Variants in EYS observed in about 807,000 individuals in gnomAD.
The protein encoded by EYS is EGF-like photoreceptor maintenance factor.
A neutral mutation model predicts 282.1 loss-of-function variants in EYS; 250 were observed. The observed-to-expected ratio is 0.89, with a 90% CI of 0.80 to 0.98. The LOEUF (loss-of-function observed/expected upper bound fraction) is 0.98, where lower values mean the gene tolerates loss of function less well. Ranked by LOEUF, EYS falls within the 50% of genes least tolerant of loss-of-function variation. The pLI is 0.00. For synonymous variants in EYS, 1,355 were observed against 1,282.9 expected (o/e 1.06, Z -1.20); for missense variants, 4,016 against 3,709.0 (o/e 1.08, Z -2.15).
intron 26 of EYS, among the ~76,000 whole-genome samples, chr6:64,523,049 GT>G (rs59104277): frequency 0.071 from 10,494 of 148,634 alleles, 1,141 homozygotes; most frequent in African/African-American, 0.23. Flanking sequence ...TTTATGAGCT[GT>G]TTTTTTTTTC....
chr6:63,951,997 C>A (rs1390307665), intron 35 of EYS, among the ~76,000 whole-genome samples: 1 of 152,118 alleles, frequency 6.6e-6, no homozygotes, highest in Non-Finnish European at 1.5e-5. Context: ...AGCCCTCAAA[C>A]CCCACAAAAG....
rs780233995 is a variant in EYS at position 65,335,134 on chromosome 6, C to T, written c.1612G>A (p.Gly538Arg). Residue 538 changes from glycine (G) to arginine (R), a missense_variant, in exon 11 of 43, where the codon GGA becomes AGA. Coordinates refer to ENST00000503581, the MANE Select transcript of EYS (RefSeq NM_001142800.2). ...HEGTKEICAN[G>R]CSCLSEEDSQ... ...TCTTCTTCACTCAAACAACTGCATCCATTTGCACAAATCTATAGCAACGAA... is the reference window on the plus strand; with the variant it reads ...TCTTCTTCACTCAAACAACTGCATCTATTTGCACAAATCTATAGCAACGAA... 6.2e-7 allele frequency: 1 copy of T among 1,609,840 alleles called. No individual in the cohort carries two copies. The highest frequency in any genetic ancestry group is 1.3e-5 in the African/African-American group (1 of 74,790).
intron 22 of EYS, among the ~76,000 whole-genome samples, chr6:64,706,361 A>G (rs534808555): frequency 5.1e-5 from 4 of 77,932 alleles, no homozygotes; most frequent in Non-Finnish European, 1.5e-4. Flanking sequence ...TAAAAATTCT[A>G]GAAGATGACA....
chr6:65,097,504 T>A (rs930212384), intron 12 of EYS, among the ~76,000 whole-genome samples: 1 of 150,868 alleles, frequency 6.6e-6, no homozygotes, highest in Admixed American at 6.6e-5. Context: ...TGAGTATCCA[T>A]CCAAAATAAT....
At chr6:64,946,877 T>A (rs922112029) in intron 14 of EYS, among the ~76,000 whole-genome samples, 1 of 151,938 alleles carries the variant, frequency 6.6e-6, no homozygotes, top group Non-Finnish European at 1.5e-5. Context: ...AAACGTACGA[T>A]TTCAATTAAT....
rs551938590 is a variant in EYS, at chr6:65,631,006, T to C, written c.-333+8772A>G. 3.9e-5 allele frequency among the ~76,000 whole-genome samples: 6 copies of C among 152,322 alleles called. No individual in the cohort carries two copies. The South Asian group carries it at 1.2e-3, about 32-fold the overall frequency. On this transcript the variant is annotated intron_variant, in intron 2 of 42. Transcript: ENST00000503581. ...AAAAGTAATATATTGGTTGTAAATA[T>C]TTGACTGATGTGTAACTCATTAGGA...
intron 26 of EYS, among the ~76,000 whole-genome samples, chr6:64,487,199 C>T (rs140117556): frequency 1.5e-3 from 232 of 151,134 alleles, no homozygotes; most frequent in African/African-American, 5.5e-3. Flanking sequence ...GCAGACATAA[C>T]ATTTTTGAAG....
Position 65,343,891 on chromosome 6 carries a change from TTTGTTTACGAAG to T in EYS, c.1599+135_1599+146del, listed in dbSNP as rs1770292086. ...AAATTTCCAAGTAGACTGTTGAGAA[TTTGTTTACGAAG>T]TTATATTTAAACTATGCAAACTATA... On this transcript the variant is annotated intron_variant, in intron 10 of 42. Coordinates refer to ENST00000503581, the MANE Select transcript of EYS (RefSeq NM_001142800.2). 4 of 689,744 alleles carry T rather than the reference TTTGTTTACGAAG, an allele frequency of 5.8e-6. No individual in the cohort carries two copies. The African/African-American group carries it at 7.3e-5, about 13-fold the overall frequency. The allele number at this position is 689,744 out of a possible 1,614,324, so 42.7% of individuals were successfully genotyped here. A position where few individuals can be genotyped will look rare whatever the true frequency, so the allele number is the denominator to read the frequency against.
rs538516188 is a variant in EYS at position 65,496,498 on chromosome 6, A to G, written c.-332-505T>C. Among the ~76,000 whole-genome samples the G allele has an allele frequency of 2.0e-4, 30 of 152,030 alleles. No homozygotes were observed. The South Asian group carries it at 5.4e-3, about 27-fold the overall frequency. ...AAACTCAAATTTTGAGAGGAAAGGT[A>G]AATGATGTTAGTGAAAAAAACGTGT... is the stretch of plus-strand genomic sequence containing the variant. On this transcript the variant is annotated intron_variant, in intron 2 of 42. Transcript: ENST00000503581.
intron 33 of EYS, among the ~76,000 whole-genome samples, chr6:64,058,055 A>G (rs1308702328): frequency 1.3e-5 from 2 of 151,962 alleles, no homozygotes; most frequent in African/African-American, 4.8e-5. Flanking sequence ...TAATCTTCCT[A>G]TGTTGTGGGA....
intron 19 of EYS, among the ~76,000 whole-genome samples, chr6:64,824,936 T>C (rs554885238): frequency 1.3e-5 from 2 of 152,058 alleles, no homozygotes; most frequent in Admixed American, 1.3e-4. Flanking sequence ...AACTAGCCAA[T>C]GTGAGCATTT....
rs779877284 is a variant in EYS at position 64,081,897 on chromosome 6, A to G, written c.6530T>C (p.Leu2177Ser). The G allele has an allele frequency of 1.3e-6, 2 of 1,543,066 alleles. No individual in the cohort carries two copies. The highest frequency in any genetic ancestry group is 2.4e-5 in the South Asian group (2 of 83,458). Residue 2177 changes from leucine to serine, a missense_variant, in exon 32 of 43, where the codon TTG becomes TCG. By Grantham distance (145) the Leu-to-Ser change is moderately radical. Coordinates refer to ENST00000503581, the MANE Select transcript of EYS (RefSeq NM_001142800.2). ...ATTTAAACTGTTTGTTTTTATAGTCAAGTAGATGGTAACAGTTCTGTTATG... is the reference window on the plus strand; with the variant it reads ...ATTTAAACTGTTTGTTTTTATAGTCGAGTAGATGGTAACAGTTCTGTTATG... ...KEHNRTVTIY[L>S]TIKTNSLNGT...
intron 35 of EYS, among the ~76,000 whole-genome samples, chr6:63,899,656 G>C (rs1476020648): frequency 6.6e-6 from 1 of 152,120 alleles, no homozygotes; most frequent in East Asian, 1.9e-4. Context: ...TGCCTCTTCT[G>C]GAAAGTGTTC....
At chr6:63,936,266 C>T (rs1309880821) in intron 35 of EYS, among the ~76,000 whole-genome samples, 1 of 152,166 alleles carries the variant, frequency 6.6e-6, no homozygotes, top group Non-Finnish European at 1.5e-5. Flanking sequence ...GATAGGTATC[C>T]TGGCTATACA....
At chr6:64,557,091 C>A (rs1228598482) in intron 26 of EYS, among the ~76,000 whole-genome samples, 1 of 151,534 alleles carries the variant, frequency 6.6e-6, no homozygotes, top group Non-Finnish European at 1.5e-5. Flanking sequence ...ATTTTACTAT[C>A]AAATGGATTT....
intron 29 of EYS, among the ~76,000 whole-genome samples, chr6:64,362,906 CAT>C (rs774552252): frequency 6.6e-6 from 1 of 151,826 alleles, no homozygotes; most frequent in Non-Finnish European, 1.5e-5. Flanking sequence ...AAGTGCCTAT[CAT>C]GTGAATATCC....
intron 26 of EYS, among the ~76,000 whole-genome samples, chr6:64,529,183 A>C (rs1234765917): frequency 6.6e-6 from 1 of 151,692 alleles, no homozygotes; most frequent in East Asian, 1.9e-4. Flanking sequence ...TCCATGCCTA[A>C]CTCTTTGTGT....
chr6:64,546,764 A>G (rs1764886969), intron 26 of EYS, among the ~76,000 whole-genome samples: 1 of 152,248 alleles, frequency 6.6e-6, no homozygotes, highest in African/African-American at 2.4e-5. Context: ...CAAAAGACAC[A>G]TGAAAAAATG....
intron 35 of EYS, among the ~76,000 whole-genome samples, chr6:63,894,029 C>G (rs1773472345): frequency 6.6e-6 from 1 of 152,130 alleles, no homozygotes; most frequent in Non-Finnish European, 1.5e-5. Flanking sequence ...TGAGGGGAGA[C>G]AGCAAGACCA....
Sources: gnomAD v4.1 joint callset for allele counts (sites outside exome capture counted in the v4.1 genomes callset) on GRCh38, gnomAD v4.1.1 for gene constraint, MANE v1.5 for transcripts, NCBI Gene and HGNC (gene_info 2026-07-23, HGNC 2026-07-21) for gene names.